The following PPFIBP2 variants were observed in gnomAD, a reference collection of about 807,000 sequenced individuals.
PPFIBP2 encodes the protein PPFIB scaffold protein 2.
In PPFIBP2, 118 loss-of-function variants were observed where a neutral mutation model predicts 118.3. That is an observed-to-expected ratio of 1.00 (90% confidence interval 0.86 to 1.16). The LOEUF (loss-of-function observed/expected upper bound fraction) is 1.16. Ranked by LOEUF, PPFIBP2 falls within the 50% of genes most tolerant of loss-of-function variation. The pLI is 0.00. For missense variants in PPFIBP2, 1,195 were observed against 1,073.1 expected (o/e 1.11, Z -1.59); for synonymous variants, 414 against 397.4 (o/e 1.04, Z -0.50).
downstream of PPFIBP2, among the ~76,000 whole-genome samples, chr11:7,658,209 A>G (rs896214669): frequency 1.3e-5 from 2 of 151,304 alleles, no homozygotes; most frequent in South Asian, 2.1e-4. Context: ...GGTTAGTTAC[A>G]TATGTATACA....
chr11:7,526,208 G>A (rs2134296751), intron 1 of PPFIBP2, among the ~76,000 whole-genome samples: 1 of 152,312 alleles, frequency 6.6e-6, no homozygotes, highest in East Asian at 1.9e-4. Flanking sequence ...TCTAACTAAA[G>A]TGCTGTAAGA....
At chr11:7,534,256 G>A (rs1356123708) in intron 1 of PPFIBP2, among the ~76,000 whole-genome samples, 1 of 152,314 alleles carries the variant, frequency 6.6e-6, no homozygotes, top group East Asian at 1.9e-4. Context: ...GGTTTTTTGT[G>A]TTAGCCTGTT....
intron 9 of PPFIBP2, 79 bp downstream of exon 9, chr11:7,628,425 T>C: frequency 2.3e-6 from 3 of 1,312,442 alleles, no homozygotes; most frequent in African/African-American, 1.5e-5. Context: ...GTCTCTGATA[T>C]TCTGGACAGG....
Position 7,648,512 on chromosome 11 carries a change from C to A in PPFIBP2, c.1772C>A (p.Thr591Lys). Residue 591 changes from threonine to lysine, a missense_variant, in exon 18 of 24, where the codon ACA (threonine) becomes AAA (lysine). Thr to Lys is a moderately conservative substitution (Grantham distance 78). Coordinates refer to ENST00000299492, the MANE Select transcript of PPFIBP2 (RefSeq NM_003621.5). ...GTATCTTCTGGCCACACCTTATTGACAGCCACCCCTCAGGACATGGAAAAG... is the reference window on the plus strand; with the variant it reads ...GTATCTTCTGGCCACACCTTATTGAAAGCCACCCCTCAGGACATGGAAAAG... Reference protein sequence around the residue: ...QWVSSGHTLLTATPQDMEKEL... With the variant: ...QWVSSGHTLLKATPQDMEKEL... The A allele has an allele frequency of 1.9e-6, 3 of 1,614,096 alleles. No homozygotes were observed. The highest frequency in any genetic ancestry group is 2.5e-6 in the Non-Finnish European group (3 of 1,180,026).
At chr11:7,585,205 A>G (rs1857918898) in intron 3 of PPFIBP2, among the ~76,000 whole-genome samples, 2 of 152,216 alleles carry the variant, frequency 1.3e-5, no homozygotes, top group South Asian at 4.1e-4. Context: ...AAGGAAATGT[A>G]ACTCTTTACC....
the PPFIBP2 span, chr11:7,665,448 G>A: frequency 1.2e-5 from 20 of 1,613,604 alleles, no homozygotes; most frequent in Admixed American, 3.3e-4. Context: ...TGGATTAGTG[G>A]TGGCGGGCCA....
At position 7,651,573 on chromosome 11, in the gene PPFIBP2, C is replaced by T. The variant is rs531628496; in HGVS notation, c.2248-83C>T. On this transcript the variant is annotated intron_variant, in intron 22 of 23. Coordinates refer to ENST00000299492, the MANE Select transcript of PPFIBP2 (RefSeq NM_003621.5). The stretch of plus-strand genomic sequence containing the variant: ...CCCTCCTCTGGAGGCACCCCCAGCC[C>T]CAACAGGCCAGTCTCTCAGCATCCT... The T allele has an allele frequency of 3.3e-5, 44 of 1,323,410 alleles. No individual in the cohort carries two copies. In the African/African-American group the frequency reaches 6.2e-4, roughly 19 times the overall value. 82.0% of individuals were successfully genotyped at this position (1,323,410 alleles called of 1,614,324 possible).
chr11:7,641,180 C>G, intron 15 of PPFIBP2: 1 of 953,434 alleles, frequency 1.0e-6, no homozygotes, highest in Non-Finnish European at 1.5e-6. Context: ...GTTCCTGCAT[C>G]TCCCTCTGAG....
At chr11:7,597,387 T>C in intron 4 of PPFIBP2, 173 bp from the exon 5 acceptor site, 1 of 1,537,260 alleles carries the variant, frequency 6.5e-7, no homozygotes, top group Non-Finnish European at 8.7e-7. Flanking sequence ...AGAATCTAAC[T>C]GCAGCTGCCT....
intron 3 of PPFIBP2, among the ~76,000 whole-genome samples, chr11:7,585,692 A>G (rs1451889932): frequency 1.3e-5 from 2 of 152,218 alleles, no homozygotes; most frequent in Non-Finnish European, 2.9e-5. Flanking sequence ...AGAGACTAAC[A>G]TGGCTATCCC....
In PPFIBP2 at chr11:7,648,383, C is replaced by T. The variant is rs762648425; in HGVS notation, c.1647-4C>T. ...CAGGAATATGCTGTTTTCCTGCTTCCCAGTGACGCCAATGCCCCCTTTGCC... is the reference window on the plus strand; with the variant it reads ...CAGGAATATGCTGTTTTCCTGCTTCTCAGTGACGCCAATGCCCCCTTTGCC... On this transcript the variant is annotated splice_polypyrimidine_tract_variant and splice_region_variant and intron_variant, in intron 17 of 23. Transcript: ENST00000299492. 62 of 1,608,412 alleles carry T rather than the reference C, an allele frequency of 3.9e-5. 1 individual carries two copies. In the South Asian group the frequency reaches 6.6e-4, roughly 17 times the overall value.
chr11:7,631,881 C>T (rs1471952086), intron 11 of PPFIBP2, among the ~76,000 whole-genome samples: 2 of 152,176 alleles, frequency 1.3e-5, no homozygotes, highest in African/African-American at 4.8e-5. Flanking sequence ...AGAATATGGA[C>T]TTGAACCCAG....
chr11:7,533,255 G>A (rs866876019), intron 1 of PPFIBP2, among the ~76,000 whole-genome samples: 3 of 152,282 alleles, frequency 2.0e-5, no homozygotes, highest in South Asian at 2.1e-4. Flanking sequence ...TAAGAGAGAA[G>A]GGACCCCAGG....
At chr11:7,572,789 T>C (rs1361636322) in intron 3 of PPFIBP2, among the ~76,000 whole-genome samples, 2 of 152,244 alleles carry the variant, frequency 1.3e-5, no homozygotes, top group Non-Finnish European at 2.9e-5. Flanking sequence ...TGTTTTGTTT[T>C]GTTTTTTGAG....
intron 3 of PPFIBP2, chr11:7,576,811 T>C (rs1369192912): frequency 6.6e-6 from 1 of 152,532 alleles, no homozygotes; most frequent in Non-Finnish European, 1.5e-5. Context: ...CGCTCTGTGC[T>C]GGGCCCGTCG....
At chr11:7,595,846 TG>T (rs777660583) in intron 4 of PPFIBP2, among the ~76,000 whole-genome samples, 177 of 152,174 alleles carry the variant, frequency 1.2e-3, no homozygotes, top group Non-Finnish European at 2.1e-3. Context: ...CAGAATCTCT[TG>T]TATCTTCATT....
Position 7,653,220 on chromosome 11 carries a change from G to A in PPFIBP2, c.*2G>A. 6.2e-7 allele frequency: 1 copy of A among 1,614,046 alleles called. No individual in the cohort carries two copies. The highest frequency in any genetic ancestry group is 1.1e-5 in the South Asian group (1 of 91,078). On this transcript the variant is annotated 3_prime_UTR_variant, in exon 24 of 24. Transcript: ENST00000299492. ...GACCAGGTGGGACAGATTAGCTGAT[G>A]CCCTTGTCACCTGCCCTCTGTGCAC...
chr11:7,558,201 A>G (rs1329701559), intron 2 of PPFIBP2, among the ~76,000 whole-genome samples: 1 of 152,230 alleles, frequency 6.6e-6, no homozygotes, highest in Non-Finnish European at 1.5e-5. Flanking sequence ...CTTCACTTGA[A>G]CACAGACTGA....
At position 7,625,873 on chromosome 11, in the gene PPFIBP2, G is replaced by A. The variant is rs1245878806; in HGVS notation, c.808G>A (p.Glu270Lys). 10 of 1,614,070 alleles carry A rather than the reference G, an allele frequency of 6.2e-6. No homozygotes were observed. Among genetic ancestry groups the A allele is most frequent in the Non-Finnish European group, 8.5e-6 (10 of 1,179,994 alleles). ...CTCCCGGACAGCAGCTCTCCACAGTGAGAGTCACACAGAGAGAGGTGACTA... is the reference window on the plus strand; with the variant it reads ...CTCCCGGACAGCAGCTCTCCACAGTAAGAGTCACACAGAGAGAGGTGACTA... ...QLSRTAALHS[E>K]SHTERDQEIQ... The change falls in exon 8 of 24, where the codon GAG becomes AAG. Residue 270 changes from glutamate to lysine, a missense_variant. Coordinates refer to ENST00000299492, the MANE Select transcript of PPFIBP2 (RefSeq NM_003621.5).
Sources: gnomAD v4.1 joint callset for allele counts (sites outside exome capture counted in the v4.1 genomes callset) on GRCh38, gnomAD v4.1.1 for gene constraint, MANE v1.5 for transcripts, NCBI Gene and HGNC (gene_info 2026-07-23, HGNC 2026-07-21) for gene names.